Variants in ROCK2 observed in about 807,000 individuals in gnomAD.
ROCK2 encodes the protein Rho associated coiled-coil containing protein kinase 2, also known as rho-associated protein kinase 2.
In ROCK2, 61 loss-of-function variants were observed where a neutral mutation model predicts 195.1. That is an observed-to-expected ratio of 0.31 (90% CI 0.25 to 0.39). The LOEUF is 0.39. ROCK2 is among the 10% of genes least tolerant of loss of function. ROCK2 has a pLI of 1.00. For missense variants in ROCK2, 1,109 were observed against 1,637.4 expected, an observed-to-expected ratio of 0.68 and a Z score of 5.57; for synonymous variants, 504 against 545.5, an observed-to-expected ratio of 0.92 and a Z score of 1.06.
chr2:11,249,140 C>T (rs1050166185), intron 4 of ROCK2, among the ~76,000 whole-genome samples: 1 of 152,156 alleles, frequency 6.6e-6, no homozygotes, highest in African/African-American at 2.4e-5. Context: ...TCGTGATCCA[C>T]CTGCCTTGGC....
At chr2:11,307,916 A>G in intron 1 of ROCK2, 1 of 1,334,154 alleles carries the variant, frequency 7.5e-7, no homozygotes, top group Non-Finnish European at 9.8e-7. Flanking sequence ...TGGTGGCCGT[A>G]GCGGTCCTCC....
chr2:11,256,596 TAA>T (rs1312747778), intron 3 of ROCK2, among the ~76,000 whole-genome samples: 1 of 150,188 alleles, frequency 6.7e-6, no homozygotes, highest in African/African-American at 2.5e-5. Context: ...AATATATACA[TAA>T]GTTATATAGT....
At position 11,344,387 on chromosome 2, in the gene ROCK2, CCT is replaced by C. The variant is rs1419633822; in HGVS notation, c.-253_-252del. ...GCGGGGAACAGACGGCGTCCCCGCC[CCT>C]CAGTCAGATTCGCGCCGCCGGTCCG... On this transcript the variant is annotated 5_prime_UTR_variant, in exon 1 of 33. Coordinates refer to ENST00000315872, the MANE Select transcript of ROCK2 (RefSeq NM_004850.5). This position sits in a 1 kb window ranked among gnomAD's most constrained non-coding sequence, Gnocchi z 5.4. The C allele has an allele frequency of 3.5e-6, 4 of 1,132,808 alleles. No homozygotes were observed. The highest frequency in any genetic ancestry group is 4.3e-6 in the Non-Finnish European group (4 of 925,018). 70.2% of individuals were successfully genotyped at this position (1,132,808 alleles called of 1,614,324 possible). A position where few individuals can be genotyped will look rare whatever the true frequency, so the allele number is the denominator to read the frequency against.
chr2:11,342,470 A>G (rs1034431220), intron 1 of ROCK2, among the ~76,000 whole-genome samples: 4 of 152,274 alleles, frequency 2.6e-5, no homozygotes, highest in Non-Finnish European at 5.9e-5. Flanking sequence ...TAATATCATT[A>G]AAGATCTAAG....
chr2:11,246,346 ACT>A (rs1431936839), intron 4 of ROCK2, among the ~76,000 whole-genome samples: 1 of 151,918 alleles, frequency 6.6e-6, no homozygotes, highest in African/African-American at 2.4e-5. Context: ...GAAGAGGGAA[ACT>A]CTCTACATTG....
At chr2:11,205,320 T>C (rs1664010413) in intron 20 of ROCK2, among the ~76,000 whole-genome samples, 1 of 152,212 alleles carries the variant, frequency 6.6e-6, no homozygotes, top group Non-Finnish European at 1.5e-5. Flanking sequence ...TTTCCATCTA[T>C]ATCCCACTTC....
At chr2:11,308,828 C>T (rs1029815265) in intron 1 of ROCK2, 26 of 1,611,472 alleles carry the variant, frequency 1.6e-5, no homozygotes, top group South Asian at 3.3e-5. Context: ...TAAACTTGGG[C>T]CAAATGTAAT....
intron 32 of ROCK2, among the ~76,000 whole-genome samples, chr2:11,187,542 T>C (rs1013102854): frequency 6.6e-6 from 1 of 152,220 alleles, no homozygotes; most frequent in East Asian, 1.9e-4. Flanking sequence ...TTTTTTACAT[T>C]TAACAGCTAT....
chr2:11,280,414 A>G (rs2148182433), intron 3 of ROCK2, among the ~76,000 whole-genome samples: 1 of 151,586 alleles, frequency 6.6e-6, no homozygotes, highest in African/African-American at 2.4e-5. Context: ...ACCTGAGTTC[A>G]GGAGTTCTAG....
Position 11,249,683 on chromosome 2 carries a change from G to A in ROCK2, c.440C>T (p.Ala147Val). Residue 147 changes from alanine to valine, a missense_variant, in exon 4 of 33, where the codon GCC (alanine) becomes GTC (valine). This residue lies in a region of ROCK2 where 253 missense variants were observed against 455.5 expected (regional missense o/e 0.56). Transcript: ENST00000315872. ...FWEERDIMAF[A>V]NSPWVVQLFY... Reference sequence around the variant, plus strand: ...TACCTGAACCACCCAGGGGCTATTGGCAAAGGCCATAATATCTCTTTCTTC... The same window carrying A: ...TACCTGAACCACCCAGGGGCTATTGACAAAGGCCATAATATCTCTTTCTTC... The A allele has an allele frequency of 6.4e-7, 1 of 1,558,394 alleles. No homozygotes were observed.
chr2:11,184,644 GA>G, intron 32 of ROCK2: 1 of 985,128 alleles, frequency 1.0e-6, no homozygotes, highest in Non-Finnish European at 1.2e-6. Context: ...TAAAATAACT[GA>G]TTTTTCATTT....
chr2:11,263,765 T>C (rs1330283177), intron 3 of ROCK2, among the ~76,000 whole-genome samples: 3 of 151,086 alleles, frequency 2.0e-5, no homozygotes, highest in East Asian at 3.9e-4. Flanking sequence ...TTTTTTTTAA[T>C]TGGCAACACC....
chr2:11,247,533 A>G (rs1487225107), intron 4 of ROCK2, among the ~76,000 whole-genome samples: 1 of 152,208 alleles, frequency 6.6e-6, no homozygotes, highest in Non-Finnish European at 1.5e-5. Flanking sequence ...CCATTATCTC[A>G]ATTACTTCAA....
intron 1 of ROCK2, among the ~76,000 whole-genome samples, chr2:11,320,007 G>A (rs1156436184): frequency 6.6e-6 from 1 of 152,118 alleles, no homozygotes; most frequent in Non-Finnish European, 1.5e-5. Flanking sequence ...CCTCAGCTTT[G>A]TTACTGTTAA....
chr2:11,191,696 G>A (rs1438838599), intron 32 of ROCK2, among the ~76,000 whole-genome samples: 3 of 152,044 alleles, frequency 2.0e-5, no homozygotes, highest in Non-Finnish European at 4.4e-5. Context: ...GTCCTCACTG[G>A]ACATCATCGA....
At chr2:11,245,499 A>G (rs1403250890) in intron 4 of ROCK2, among the ~76,000 whole-genome samples, 1 of 152,176 alleles carries the variant, frequency 6.6e-6, no homozygotes, top group Non-Finnish European at 1.5e-5. Context: ...AAACTTGTAA[A>G]GAAAAATTTT....
At chr2:11,307,337 C>T (rs552096053) in intron 1 of ROCK2, among the ~76,000 whole-genome samples, 55 of 152,286 alleles carry the variant, frequency 3.6e-4, no homozygotes, top group African/African-American at 1.2e-3. Flanking sequence ...GTTTCTGAGA[C>T]GGAGTCTCAC....
chr2:11,256,334 G>C (rs961838428), intron 3 of ROCK2, among the ~76,000 whole-genome samples: 1 of 151,082 alleles, frequency 6.6e-6, no homozygotes, highest in African/African-American at 2.5e-5. Context: ...AGATCTGGTT[G>C]TTAAAAGTAT....
chr2:11,257,402 G>A (rs894542801), intron 3 of ROCK2, among the ~76,000 whole-genome samples: 2 of 151,550 alleles, frequency 1.3e-5, no homozygotes, highest in African/African-American at 2.5e-5. Context: ...TGAAGATTAC[G>A]TTGGAAGATG....
Sources: gnomAD v4.1 joint callset for allele counts (sites outside exome capture counted in the v4.1 genomes callset) on GRCh38, gnomAD v4.1.1 for gene constraint, gnomAD v4.1.1 regional missense constraint, Gnocchi (gnomAD v3.1) non-coding constraint, MANE v1.5 for transcripts, NCBI Gene and HGNC (gene_info 2026-07-23, HGNC 2026-07-21) for gene names.